Variants in KIAA1549 observed in about 807,000 individuals in gnomAD.
KIAA1549 encodes KIAA1549.
KIAA1549 carries 70 observed loss-of-function variants against 156.4 expected under a neutral mutation model. The ratio of observed to expected loss-of-function variants is 0.45; its 90% CI spans 0.37 to 0.55. KIAA1549 has a LOEUF of 0.55. Ranked by LOEUF, KIAA1549 falls within the 20% of genes least tolerant of loss-of-function variation. The pLI is 0.00. For synonymous variants in KIAA1549, 1,103 were observed against 1,066.4 expected, an observed-to-expected ratio of 1.03 and a Z score of -0.67; for missense variants, 2,428 against 2,540.9, an observed-to-expected ratio of 0.96 and a Z score of 0.96.
intron 9 of KIAA1549, among the ~76,000 whole-genome samples, chr7:138,897,988 T>C (rs899627342): frequency 2.6e-5 from 4 of 151,504 alleles, no homozygotes; most frequent in Non-Finnish European, 5.9e-5. Context: ...TGCCTCCTTT[T>C]TCTTCAATTT....
At chr7:138,963,569 C>T (rs1298863272) in intron 1 of KIAA1549, among the ~76,000 whole-genome samples, 1 of 152,098 alleles carries the variant, frequency 6.6e-6, no homozygotes, top group African/African-American at 2.4e-5. Flanking sequence ...AAACTTTATA[C>T]CAGATCTAGG....
intron 4 of KIAA1549, among the ~76,000 whole-genome samples, chr7:138,909,982 T>C (rs1351732504): frequency 1.3e-5 from 2 of 152,124 alleles, no homozygotes; most frequent in East Asian, 3.9e-4. Context: ...ACTGTTAACT[T>C]CATATACATG....
chr7:138,943,395 T>G (rs779847808), intron 1 of KIAA1549, among the ~76,000 whole-genome samples: 7 of 152,256 alleles, frequency 4.6e-5, no homozygotes, highest in Non-Finnish European at 7.3e-5. Flanking sequence ...AACTCATGCC[T>G]GTGGAAGAAA....
intron 1 of KIAA1549, among the ~76,000 whole-genome samples, chr7:138,938,812 C>T (rs1008689656): frequency 2.6e-5 from 4 of 152,192 alleles, no homozygotes; most frequent in Admixed American, 6.5e-5. Context: ...CTTTGGGAGG[C>T]TGAGGCGGGT....
At chr7:138,852,156 G>A (rs2130349528) in intron 17 of KIAA1549, 67 bp downstream of exon 17, 1 of 1,089,706 alleles carries the variant, frequency 9.2e-7, no homozygotes, top group Admixed American at 2.0e-5. Context: ...AAATTAGTGA[G>A]TTTATAAAGT....
At chr7:138,856,271 C>T (rs1584706423) in intron 16 of KIAA1549, among the ~76,000 whole-genome samples, 1 of 151,976 alleles carries the variant, frequency 6.6e-6, no homozygotes. Flanking sequence ...ATCTCCTGAC[C>T]TCGTGATCCA....
chr7:138,981,134 G>T lies in KIAA1549; in HGVS notation c.136C>A (p.Leu46Ile). The T allele has an allele frequency of 8.2e-7, 1 of 1,219,020 alleles. No individual in the cohort carries two copies. The allele number at this position is 1,219,020 out of a possible 1,614,324, so 75.5% of individuals were successfully genotyped here. A position where few individuals can be genotyped will look rare whatever the true frequency, so the allele number is the denominator to read the frequency against. ...CARRRRPGLL[L>I]PGLWLLLLAR... is the part of the protein sequence containing the mutation. ...AGCAGCAGCAGCCAGAGGCCAGGAA[G>T]CAGCAGCCCCGGGCGGCGGCGGCGG... Residue 46 changes from leucine (L) to isoleucine (I), a missense_variant, in exon 1 of 20, where the codon CTT becomes ATT. This residue lies in a region of KIAA1549 where 893 missense variants were observed against 847.9 expected (regional missense o/e 1.05). Coordinates refer to ENST00000422774, the MANE Select transcript of KIAA1549 (RefSeq NM_001164665.2). The surrounding 1 kb of genome is among the most constrained non-coding windows in gnomAD (Gnocchi z 4.5).
intron 1 of KIAA1549, among the ~76,000 whole-genome samples, chr7:138,964,499 C>T (rs73732915): frequency 0.042 from 6,411 of 152,260 alleles, 449 homozygotes; most frequent in African/African-American, 0.15. Flanking sequence ...AGACACTGTG[C>T]CGTCTCCTCA....
Position 138,833,674 on chromosome 7 carries a change from T to C in KIAA1549, c.*4232A>G, listed in dbSNP as rs903865100. 1.7e-5 allele frequency: 4 copies of C among 232,710 alleles called. No homozygotes were observed. The highest frequency in any genetic ancestry group is 1.2e-4 in the East Asian group (2 of 16,534). 14.4% of individuals were successfully genotyped at this position (232,710 alleles called of 1,614,324 possible). ...ATATATAGATAGATAGACAGATACA[T>C]AGACAGACAGACAGATAGATAACCC... On this transcript the variant is annotated 3_prime_UTR_variant, in exon 20 of 20. Transcript: ENST00000422774.
chr7:138,886,695 G>T (rs528526700), intron 10 of KIAA1549, among the ~76,000 whole-genome samples: 28 of 152,238 alleles, frequency 1.8e-4, no homozygotes, highest in Non-Finnish European at 1.5e-5. Flanking sequence ...TTACAAAAAT[G>T]AAACAAAAGG....
intron 16 of KIAA1549, among the ~76,000 whole-genome samples, chr7:138,859,190 C>T (rs1810483724): frequency 6.6e-6 from 1 of 152,166 alleles, no homozygotes; most frequent in Admixed American, 6.5e-5. Flanking sequence ...TGTGTCTTAA[C>T]CTGGCCAGAG....
At chr7:138,880,939 G>A (rs1432187941) in intron 11 of KIAA1549, among the ~76,000 whole-genome samples, 1 of 152,214 alleles carries the variant, frequency 6.6e-6, no homozygotes, top group Non-Finnish European at 1.5e-5. Context: ...GTCACCTGCA[G>A]GCAAAGCAAT....
chr7:138,946,550 C>T (rs1253459181), intron 1 of KIAA1549, among the ~76,000 whole-genome samples: 2 of 152,074 alleles, frequency 1.3e-5, no homozygotes, highest in East Asian at 1.9e-4. Context: ...GAGGCTGAGG[C>T]GGGCAGATCA....
chr7:138,977,711 T>C (rs1265753734), intron 1 of KIAA1549, among the ~76,000 whole-genome samples: 1 of 151,212 alleles, frequency 6.6e-6, no homozygotes, highest in Non-Finnish European at 1.5e-5. Context: ...CAAAGCCTTT[T>C]TTTTTTGAGA....
chr7:138,898,009 A>T (rs1490207830), intron 9 of KIAA1549, among the ~76,000 whole-genome samples: 2 of 151,768 alleles, frequency 1.3e-5, no homozygotes, highest in Non-Finnish European at 2.9e-5. Context: ...TAAATACTCA[A>T]AATCTGTGAG....
intron 1 of KIAA1549, among the ~76,000 whole-genome samples, chr7:138,937,949 C>T (rs1350824733): frequency 7.2e-5 from 11 of 152,082 alleles, no homozygotes; most frequent in Non-Finnish European, 1.3e-4. Context: ...GGTGCTCTGC[C>T]GCAGTCAGGA....
At position 138,902,110 on chromosome 7, in the gene KIAA1549, G is replaced by A. The variant is rs777332254; in HGVS notation, c.3669+1478C>T. Reference sequence around the variant, plus strand: ...TTTTATTCTTTGTTGATACTTATTCGTTTAATGATTACTCTCAATTGTGAT... The same window carrying A: ...TTTTATTCTTTGTTGATACTTATTCATTTAATGATTACTCTCAATTGTGAT... On this transcript the variant is annotated intron_variant, in intron 8 of 19. Transcript: ENST00000422774. 1.6e-4 allele frequency among the ~76,000 whole-genome samples: 24 copies of A among 152,160 alleles called. 1 individual carries two copies. The highest frequency in any genetic ancestry group is 7.3e-5 in the Non-Finnish European group (5 of 68,030).
Position 138,979,515 on chromosome 7 carries a change from G to C in KIAA1549, c.187+1568C>G, listed in dbSNP as rs189320618. Reference sequence around the variant, plus strand: ...GCCTAACTCACAACGTGATTGGATCGTGTATATAAAATTCAACATCTGGCA... The same window carrying C: ...GCCTAACTCACAACGTGATTGGATCCTGTATATAAAATTCAACATCTGGCA... On this transcript the variant is annotated intron_variant, in intron 1 of 19. Transcript: ENST00000422774. Among the ~76,000 whole-genome samples the C allele has an allele frequency of 9.2e-5, 14 of 152,304 alleles. No individual in the cohort carries two copies. In the East Asian group the frequency reaches 2.7e-3, roughly 29 times the overall value.
rs765305065 is a variant in KIAA1549, at chr7:138,918,899, C to T, written c.727G>A (p.Val243Ile). ...RSAFRTSEGI[V>I]PTPGRNLVLY... ...ACCAAATTCCTGCCAGGAGTTGGAA[C>T]GATGCCCTCAGAGGTGCGAAAAGCT... Residue 243 changes from valine to isoleucine, a missense_variant, in exon 2 of 20, where the codon GTT becomes ATT. Physicochemically the swap from Val to Ile is conservative, Grantham distance 29. Transcript: ENST00000422774. This position sits in a 1 kb window ranked among gnomAD's most constrained non-coding sequence, Gnocchi z 4.2. The T allele has an allele frequency of 3.7e-6, 6 of 1,613,842 alleles. No individual in the cohort carries two copies. The highest frequency in any genetic ancestry group is 1.3e-5 in the African/African-American group (1 of 74,912).
Sources: allele counts gnomAD v4.1 joint callset (sites outside exome capture counted in the v4.1 genomes callset), GRCh38; gene constraint gnomAD v4.1.1; regional missense constraint gnomAD v4.1.1; non-coding constraint Gnocchi (gnomAD v3.1); transcripts MANE v1.5; gene names NCBI Gene and HGNC (gene_info 2026-07-23, HGNC 2026-07-21).